PAICS: variants seen among roughly 807,000 people sequenced by gnomAD.
PAICS encodes the protein phosphoribosylaminoimidazole carboxylase and phosphoribosylaminoimidazolesuccinocarboxamide synthase.
In PAICS, 33 loss-of-function variants were observed where a neutral mutation model predicts 53.7. The observed-to-expected ratio is 0.61, with a 90% confidence interval of 0.47 to 0.82. PAICS has a LOEUF of 0.82. Among genes scored for constraint, PAICS ranks in the 40% least tolerant of loss-of-function variants. The pLI is 0.00. For missense variants in PAICS, 394 were observed against 494.1 expected (o/e 0.80, Z 1.92); for synonymous variants, 141 against 167.2 (o/e 0.84, Z 1.21).
chr4:56,437,759 T>G lies in PAICS; in HGVS notation c.16+1431T>G, dbSNP rs376663984. 1.8e-4 allele frequency among the ~76,000 whole-genome samples: 24 copies of G among 134,950 alleles called. No individual in the cohort carries two copies. The South Asian group carries it at 5.6e-3, about 32-fold the overall frequency. The allele number at this position is 134,950 out of a possible 152,430, so 88.5% of individuals were successfully genotyped here. A position where few individuals can be genotyped will look rare whatever the true frequency, so the allele number is the denominator to read the frequency against. On this transcript the variant is annotated intron_variant, in intron 1 of 8. Transcript: ENST00000512576. ...TCACTTGAACCGGGGAGTCAGAGGC[T>G]GCAGTGAGCCGGGATCGCGCCACTG...
chr4:56,445,827 G>T (rs1578151502), intron 2 of PAICS, among the ~76,000 whole-genome samples: 1 of 152,260 alleles, frequency 6.6e-6, no homozygotes, highest in East Asian at 1.9e-4. Context: ...ACCCATGTAG[G>T]TTTCCAGGAG....
chr4:56,432,079 C>G (rs575085417), upstream of PAICS, among the ~76,000 whole-genome samples: 26 of 152,290 alleles, frequency 1.7e-4, no homozygotes, highest in African/African-American at 6.3e-4. Context: ...AATTGATACT[C>G]TATTTATTTT....
chr4:56,418,537 T>TC, the PAICS span, among the ~76,000 whole-genome samples: 1 of 152,050 alleles, frequency 6.6e-6, no homozygotes, highest in Non-Finnish European at 1.5e-5. Context: ...GAGGCTGGTC[T>TC]CCAACTCCTG....
At chr4:56,431,910 CAT>C (rs1717602389), upstream of PAICS, among the ~76,000 whole-genome samples, 2 of 152,162 alleles carry the variant, frequency 1.3e-5, no homozygotes, top group African/African-American at 4.8e-5. Flanking sequence ...TACCCACACA[CAT>C]GCATGCACAG....
At chr4:56,426,289 C>G in the PAICS span, among the ~76,000 whole-genome samples, 4 of 152,062 alleles carry the variant, frequency 2.6e-5, no homozygotes, top group African/African-American at 4.8e-5. Flanking sequence ...GTGGTCTCAG[C>G]TACTCGGGAG....
At chr4:56,425,167 G>T in the PAICS span, among the ~76,000 whole-genome samples, 2 of 152,140 alleles carry the variant, frequency 1.3e-5, no homozygotes, top group Admixed American at 1.3e-4. Context: ...GGTACGCTAA[G>T]AATTATGTTT....
At chr4:56,417,901 T>A in the PAICS span, among the ~76,000 whole-genome samples, 27 of 149,254 alleles carry the variant, frequency 1.8e-4, no homozygotes, top group Admixed American at 1.8e-3. Flanking sequence ...AGTGCAGTGG[T>A]GCAATCTCGG....
chr4:56,448,255 T>A (rs1718717764), intron 3 of PAICS, among the ~76,000 whole-genome samples, 163 bp from the exon 4 acceptor site: 1 of 152,080 alleles, frequency 6.6e-6, no homozygotes, highest in African/African-American at 2.4e-5. Flanking sequence ...TCCGCCCACC[T>A]CAGCCCCCTA....
upstream of PAICS, among the ~76,000 whole-genome samples, chr4:56,434,888 A>C (rs1717811422): frequency 6.6e-6 from 1 of 152,234 alleles, no homozygotes; most frequent in African/African-American, 2.4e-5. Flanking sequence ...TGCAAACAAA[A>C]GCTTGTGGTG....
At chr4:56,456,374 C>T (rs6818715) in intron 8 of PAICS, among the ~76,000 whole-genome samples, 1 of 151,962 alleles carries the variant, frequency 6.6e-6, no homozygotes, top group Non-Finnish European at 1.5e-5. Flanking sequence ...TTATGGGCGT[C>T]AGCCACTGTG....
At chr4:56,424,102 G>C in the PAICS span, among the ~76,000 whole-genome samples, 1 of 152,150 alleles carries the variant, frequency 6.6e-6, no homozygotes, top group Non-Finnish European at 1.5e-5. Flanking sequence ...TGAAATTGGA[G>C]TTGCTATTAT....
At chr4:56,437,256 G>GGTGAGT (rs1553941063) in intron 1 of PAICS, among the ~76,000 whole-genome samples, 1 of 124,308 alleles carries the variant, frequency 8.0e-6, no homozygotes, top group African/African-American at 3.2e-5. Flanking sequence ...ATGCCATGAT[G>GGTGAGT]GTGTGTGTGT....
chr4:56,445,519 G>A (rs557792269), intron 2 of PAICS, among the ~76,000 whole-genome samples: 2 of 152,176 alleles, frequency 1.3e-5, no homozygotes, highest in South Asian at 2.1e-4. Flanking sequence ...CCCAGGCGGC[G>A]GAGGTTGCAG....
chr4:56,459,676 A>G lies in PAICS; in HGVS notation c.*138A>G, dbSNP rs1024743473. ...TATTAGTGAATAAATGCTTCTCTAG[A>G]TCCATATTAATAAACATGAGCATCT... On this transcript the variant is annotated 3_prime_UTR_variant, in exon 9 of 9. Transcript: ENST00000512576. The G allele has an allele frequency of 4.8e-6, 3 of 621,456 alleles. No individual in the cohort carries two copies. The highest frequency in any genetic ancestry group is 2.8e-5 in the East Asian group (1 of 35,474). The allele number at this position is 621,456 out of a possible 1,614,324, so 38.5% of individuals were successfully genotyped here.
chr4:56,426,257 T>A, the PAICS span, among the ~76,000 whole-genome samples: 6 of 151,974 alleles, frequency 3.9e-5, no homozygotes, highest in Non-Finnish European at 8.8e-5. Flanking sequence ...AAAAATTAGC[T>A]GGGCGTGGTG....
At chr4:56,441,505 G>T (rs994532901) in intron 1 of PAICS, among the ~76,000 whole-genome samples, 158 bp from the exon 2 acceptor site, 10 of 152,132 alleles carry the variant, frequency 6.6e-5, no homozygotes, top group Non-Finnish European at 1.0e-4. Context: ...GATGGTATGA[G>T]AAATACATTG....
chr4:56,411,406 T>G, the PAICS span, among the ~76,000 whole-genome samples: 1 of 152,294 alleles, frequency 6.6e-6, no homozygotes, highest in African/African-American at 2.4e-5. Flanking sequence ...CAAGAACAGC[T>G]CCATTTTAAC....
At chr4:56,433,035 T>G (rs982935024), upstream of PAICS, among the ~76,000 whole-genome samples, 1 of 149,988 alleles carries the variant, frequency 6.7e-6, no homozygotes, top group Non-Finnish European at 1.5e-5. Context: ...AAAGAAAAAG[T>G]TCTTAGTTTT....
Position 56,448,486 on chromosome 4 carries a change from A to C in PAICS, c.462A>C (p.Gly154=). The part of the protein sequence containing the change: ...QLIAAKFCFA[G]LLIGQTEVDI... ...TTGCTGCAAAATTTTGCTTTGCTGG[A>C]CTTCTTATAGGCCAGACTGAAGTGG... is the stretch of plus-strand genomic sequence containing the variant. Residue 154 remains glycine, a synonymous_variant, in exon 4 of 9, where the codon GGA becomes GGC. Transcript: ENST00000512576. The C allele has an allele frequency of 6.2e-7, 1 of 1,612,658 alleles. No homozygotes were observed. Among genetic ancestry groups the C allele is most frequent in the Non-Finnish European group, 8.5e-7 (1 of 1,178,960 alleles).
Sources: gnomAD v4.1 joint callset for allele counts (sites outside exome capture counted in the v4.1 genomes callset) on GRCh38, gnomAD v4.1.1 for gene constraint, MANE v1.5 for transcripts, NCBI Gene and HGNC (gene_info 2026-07-23, HGNC 2026-07-21) for gene names.